SHOC2: variants seen among roughly 807,000 people sequenced by gnomAD.
SHOC2 encodes the protein leucine-rich repeat protein SHOC-2.
Under a neutral mutation model 50.2 loss-of-function variants are expected in SHOC2, and 4 were observed. That is an observed-to-expected ratio of 0.08 (90% CI 0.04 to 0.18). The LOEUF is 0.18. SHOC2 is among the 10% of genes least tolerant of loss of function. The probability of loss-of-function intolerance (pLI) is 1.00; values close to 1 mark genes in which losing one functional copy is unlikely to be tolerated. For missense variants in SHOC2, 388 were observed against 669.6 expected, an observed-to-expected ratio of 0.58 and a Z score of 4.64; for synonymous variants, 218 against 244.5, an observed-to-expected ratio of 0.89 and a Z score of 1.01.
chr10:110,937,615 A>G (rs968793015), intron 1 of SHOC2, among the ~76,000 whole-genome samples: 1 of 152,190 alleles, frequency 6.6e-6, no homozygotes, highest in African/African-American at 2.4e-5. Context: ...CCATCTTTCA[A>G]ATTAGAAATC....
At chr10:110,948,353 G>T (rs946821954) in intron 1 of SHOC2, among the ~76,000 whole-genome samples, 3 of 151,924 alleles carry the variant, frequency 2.0e-5, no homozygotes, top group African/African-American at 7.3e-5. Flanking sequence ...AATCAATAAA[G>T]AAATAACAGA....
intron 1 of SHOC2, among the ~76,000 whole-genome samples, chr10:110,930,888 G>T (rs920119662): frequency 6.6e-6 from 1 of 151,914 alleles, no homozygotes; most frequent in Non-Finnish European, 1.5e-5. Flanking sequence ...GTGAGACTTT[G>T]GTGAAGAATT....
At chr10:110,966,652 G>A (rs1847680108) in intron 2 of SHOC2, among the ~76,000 whole-genome samples, 1 of 152,134 alleles carries the variant, frequency 6.6e-6, no homozygotes, top group African/African-American at 2.4e-5. Context: ...CATATAGATA[G>A]CATTTTTACT....
chr10:110,991,523 A>G (rs1213048436), intron 3 of SHOC2, among the ~76,000 whole-genome samples: 1 of 152,214 alleles, frequency 6.6e-6, no homozygotes, highest in Non-Finnish European at 1.5e-5. Flanking sequence ...GTCACCAAGT[A>G]TAGTACAGCT....
At chr10:110,968,629 C>T (rs1847721719) in intron 2 of SHOC2, among the ~76,000 whole-genome samples, 1 of 151,612 alleles carries the variant, frequency 6.6e-6, no homozygotes, top group African/African-American at 2.4e-5. Flanking sequence ...TTTTATTCAG[C>T]AGTATATTTG....
In SHOC2 at chr10:111,001,739, G is replaced by C. The variant is rs557616027; in HGVS notation, c.972+1194G>C. 5.3e-5 allele frequency among the ~76,000 whole-genome samples: 8 copies of C among 152,192 alleles called. No homozygotes were observed. In the South Asian group the frequency reaches 1.5e-3, roughly 28 times the overall value. ...TGTGTGTAATCAAATTAAGAACAAGGGTTCTTTAATAAGGTCAGGCGCTGT... is the reference window on the plus strand; with the variant it reads ...TGTGTGTAATCAAATTAAGAACAAGCGTTCTTTAATAAGGTCAGGCGCTGT... On this transcript the variant is annotated intron_variant, in intron 4 of 8. Coordinates refer to ENST00000369452, the MANE Select transcript of SHOC2 (RefSeq NM_007373.4).
At chr10:110,937,125 G>A in intron 1 of SHOC2, 2 of 1,473,972 alleles carry the variant, frequency 1.4e-6, no homozygotes, top group African/African-American at 1.4e-5. Flanking sequence ...CCTTTGCAGC[G>A]TACGACCACC....
In SHOC2 at chr10:110,977,753, C is replaced by G. The variant is rs192163518; in HGVS notation, c.704-7875C>G. Among the ~76,000 whole-genome samples the G allele has an allele frequency of 3.2e-4, 49 of 152,138 alleles. 1 individual carries two copies. The highest frequency in any genetic ancestry group is 1.2e-3 in the African/African-American group (48 of 41,470). On this transcript the variant is annotated intron_variant, in intron 2 of 8. Coordinates refer to ENST00000369452, the MANE Select transcript of SHOC2 (RefSeq NM_007373.4). The stretch of plus-strand genomic sequence containing the variant: ...CCTTTTGTCTACATCTAATTTAACC[C>G]CACTACTAAGGTAATAAATTTTGAT...
rs543006746 is a variant in SHOC2, at chr10:111,002,617, G to A, written c.973-1989G>A. On this transcript the variant is annotated intron_variant, in intron 4 of 8. Coordinates refer to ENST00000369452, the MANE Select transcript of SHOC2 (RefSeq NM_007373.4). ...GGAGTATCCTCATCAAACAGATAGC[G>A]AAATAAGGCTTAAGAGAGGTTATAT... Among the ~76,000 whole-genome samples the A allele has an allele frequency of 1.2e-4, 18 of 152,154 alleles. No homozygotes were observed. The East Asian group carries it at 1.9e-3, about 16-fold the overall frequency.
At chr10:111,000,569 A>C (rs377449586) in intron 4 of SHOC2, 24 bp downstream of exon 4, 1 of 1,593,568 alleles carries the variant, frequency 6.3e-7, no homozygotes, top group East Asian at 2.2e-5. Flanking sequence ...TAGAGAAAAC[A>C]AGATTTGAAA....
At chr10:110,946,139 C>T (rs1436337695) in intron 1 of SHOC2, among the ~76,000 whole-genome samples, 1 of 152,006 alleles carries the variant, frequency 6.6e-6, no homozygotes, top group African/African-American at 2.4e-5. Context: ...TGATATCACT[C>T]AGTGAAATCC....
At chr10:110,984,222 T>C (rs983451614) in intron 2 of SHOC2, among the ~76,000 whole-genome samples, 2 of 152,322 alleles carry the variant, frequency 1.3e-5, no homozygotes, top group South Asian at 4.1e-4. Flanking sequence ...GGTATCTTGT[T>C]GTGATTTGCA....
At chr10:110,957,260 C>G (rs1401812145) in intron 1 of SHOC2, among the ~76,000 whole-genome samples, 1 of 152,144 alleles carries the variant, frequency 6.6e-6, no homozygotes, top group African/African-American at 2.4e-5. Context: ...GCTCTGTATT[C>G]TAGTTTCAGC....
intron 3 of SHOC2, among the ~76,000 whole-genome samples, chr10:110,997,533 T>TCC (rs35438330): frequency 0.17 from 26,107 of 152,000 alleles, 3,354 homozygotes; most frequent in East Asian, 0.53. Context: ...TCATGCTTTT[T>TCC]CCCCCCCAAC....
intron 1 of SHOC2, chr10:110,936,513 A>C (rs1460015398): frequency 1.7e-6 from 1 of 594,392 alleles, no homozygotes. Flanking sequence ...GAGAAACAGT[A>C]ATTTTACTAT....
chr10:110,946,071 C>G, intron 1 of SHOC2, among the ~76,000 whole-genome samples: 1 of 152,034 alleles, frequency 6.6e-6, no homozygotes, highest in Non-Finnish European at 1.5e-5. Flanking sequence ...CCTACTCAGG[C>G]CCTGAGTAGG....
At chr10:110,955,275 T>TTG (rs1181316411) in intron 1 of SHOC2, among the ~76,000 whole-genome samples, 3 of 152,086 alleles carry the variant, frequency 2.0e-5, no homozygotes, top group Non-Finnish European at 4.4e-5. Flanking sequence ...AGTAGACGAT[T>TTG]TGTGATTCAT....
intron 3 of SHOC2, among the ~76,000 whole-genome samples, chr10:110,998,155 A>G (rs1848302641): frequency 6.6e-6 from 1 of 151,864 alleles, no homozygotes; most frequent in Admixed American, 6.6e-5. Flanking sequence ...ACACACCACC[A>G]TGCCCGGATA....
chr10:111,009,660 A>G (rs1848532469), intron 7 of SHOC2, 53 bp from the exon 8 acceptor site: 1 of 1,123,810 alleles, frequency 8.9e-7, no homozygotes, highest in Non-Finnish European at 1.3e-6. Context: ...TTCAGTTTAC[A>G]TTAAATGTAG....
Sources: gnomAD v4.1 joint callset for allele counts (sites outside exome capture counted in the v4.1 genomes callset) on GRCh38, gnomAD v4.1.1 for gene constraint, MANE v1.5 for transcripts, NCBI Gene and HGNC (gene_info 2026-07-23, HGNC 2026-07-21) for gene names.